ABL1: variants seen among roughly 807,000 people sequenced by gnomAD.
The protein encoded by ABL1 is ABL proto-oncogene 1, non-receptor tyrosine kinase.
ABL1 carries 11 observed loss-of-function variants against 94.7 expected under a neutral mutation model. That is an observed-to-expected ratio of 0.12 (90% confidence interval 0.07 to 0.19). The LOEUF (loss-of-function observed/expected upper bound fraction) is 0.19. Ranked by LOEUF, ABL1 falls within the 10% of genes least tolerant of loss-of-function variation. The probability of loss-of-function intolerance (pLI) is 1.00; values close to 1 mark genes in which losing one functional copy is unlikely to be tolerated. For missense variants in ABL1, 1,082 were observed against 1,489.4 expected, an observed-to-expected ratio of 0.73 and a Z score of 4.50; for synonymous variants, 656 against 622.4, an observed-to-expected ratio of 1.05 and a Z score of -0.80.
chr9:130,842,000 G>A (rs1249451360), intron 1 of ABL1, among the ~76,000 whole-genome samples: 3 of 150,304 alleles, frequency 2.0e-5, no homozygotes, highest in Non-Finnish European at 4.4e-5. Context: ...GACAGAGACT[G>A]AGAGACAAAT....
intron 1 of ABL1, among the ~76,000 whole-genome samples, chr9:130,741,925 C>CTGT (rs1391552046): frequency 1.3e-5 from 2 of 152,138 alleles, no homozygotes; most frequent in African/African-American, 4.8e-5. Context: ...TGGTGAGTGC[C>CTGT]ACAGCTTCCT....
chr9:130,795,426 A>G (rs570116109), intron 1 of ABL1, among the ~76,000 whole-genome samples: 1 of 152,310 alleles, frequency 6.6e-6, no homozygotes, highest in South Asian at 2.1e-4. Context: ...ACAGTATCAT[A>G]TGTGCTCGCA....
chr9:130,732,653 A>T (rs571645007), intron 1 of ABL1, among the ~76,000 whole-genome samples: 2 of 152,082 alleles, frequency 1.3e-5, no homozygotes, highest in Non-Finnish European at 2.9e-5. Context: ...TGTAGTGGGA[A>T]TATTGTCCCT....
At chr9:130,797,262 A>G (rs1046580621) in intron 1 of ABL1, among the ~76,000 whole-genome samples, 1 of 137,624 alleles carries the variant, frequency 7.3e-6, no homozygotes, top group Admixed American at 7.9e-5. Flanking sequence ...AAAAAAAAAA[A>G]AAAGAACTTT....
intron 1 of ABL1, among the ~76,000 whole-genome samples, chr9:130,717,463 G>A (rs1003079158): frequency 4.6e-5 from 7 of 152,076 alleles, no homozygotes; most frequent in African/African-American, 1.7e-4. Flanking sequence ...CAGCACTTTG[G>A]GAGGCCGAGG....
rs1418764623 is a variant in ABL1, at chr9:130,730,795, C to T, written c.136+16340C>T. On this transcript the variant is annotated intron_variant, in intron 1 of 10. Coordinates refer to the ABL1 transcript ENST00000372348. Reference sequence around the variant, plus strand: ...CCATGTGGCCCAGGCTGGTCTCAAACTCCTGAGGTCAAACCATCCACCCAC... The same window carrying T: ...CCATGTGGCCCAGGCTGGTCTCAAATTCCTGAGGTCAAACCATCCACCCAC... Among the ~76,000 whole-genome samples the T allele has an allele frequency of 4.0e-5, 6 of 151,836 alleles. No individual in the cohort carries two copies. In the East Asian group the frequency reaches 1.2e-3, roughly 29 times the overall value.
In ABL1 at chr9:130,884,797, C is replaced by G. The variant is rs1397422606; in HGVS notation, c.2507C>G (p.Ala836Gly). The change falls in exon 11 of 11, where the codon GCT becomes GGT. Residue 836 changes from alanine (A) to glycine (G), a missense_variant. By Grantham distance (60) the Ala-to-Gly change is moderately conservative. Transcript: ENST00000318560. This position sits in a 1 kb window ranked among gnomAD's most constrained non-coding sequence, Gnocchi z 5.6. ...PASGLPHKEE[A>G]GKGSALGTPA... ...TCGGGCCTCCCCCACAAGGAAGAAG[C>G]TGGAAAGGGCAGTGCCTTAGGGACC... is the stretch of plus-strand genomic sequence containing the variant. 1.2e-6 allele frequency: 2 copies of G among 1,609,208 alleles called. No individual in the cohort carries two copies. Among genetic ancestry groups the G allele is most frequent in the Non-Finnish European group, 1.7e-6 (2 of 1,177,728 alleles).
chr9:130,812,934 C>T (rs965165106), intron 1 of ABL1, among the ~76,000 whole-genome samples: 1 of 152,238 alleles, frequency 6.6e-6, no homozygotes, highest in African/African-American at 2.4e-5. Context: ...CCTCAGTAGA[C>T]CCGGCGGGTT....
chr9:130,780,895 T>A (rs1021892860), intron 1 of ABL1, among the ~76,000 whole-genome samples: 11 of 152,198 alleles, frequency 7.2e-5, no homozygotes, highest in Non-Finnish European at 1.5e-4. Flanking sequence ...AAGAAGGTGA[T>A]CAGACCCTAA....
chr9:130,855,136 C>T, intron 3 of ABL1, 40 bp downstream of exon 3: 1 of 1,565,532 alleles, frequency 6.4e-7, no homozygotes, highest in Non-Finnish European at 8.7e-7. Context: ...GGGCCCAGGG[C>T]AGGGGAACCA....
chr9:130,884,517 A>C lies in ABL1; in HGVS notation c.2227A>C (p.Thr743Pro), dbSNP rs2133036381. 6.2e-7 allele frequency: 1 copy of C among 1,613,228 alleles called. No homozygotes were observed. The highest frequency in any genetic ancestry group is 1.1e-5 in the South Asian group (1 of 91,084). ...SVTLPRDLQS[T>P]GRQFDSSTFG... is the part of the protein sequence containing the mutation. ...CACGCTGCCTCGGGACTTGCAGTCC[A>C]CGGGAAGACAGTTTGACTCGTCCAC... is the stretch of plus-strand genomic sequence containing the variant. Residue 743 changes from threonine (T) to proline (P), a missense_variant, in exon 11 of 11, where the codon ACG becomes CCG. Transcript: ENST00000318560. The surrounding 1 kb of genome is among the most constrained non-coding windows in gnomAD (Gnocchi z 5.6).
Position 130,854,973 on chromosome 9 carries a change from C to T in ABL1, c.426C>T (p.Ser142=), listed in dbSNP as rs958337829. ...GCAATGCCGCTGAGTATCTGCTGAGCAGCGGGATCAATGGCAGCTTCTTGG... is the reference window on the plus strand; with the variant it reads ...GCAATGCCGCTGAGTATCTGCTGAGTAGCGGGATCAATGGCAGCTTCTTGG... ...VSRNAAEYLL[S]SGINGSFLVR... is the part of the protein sequence containing the mutation. Residue 142 remains serine (S), a synonymous_variant, in exon 3 of 11, where the codon AGC becomes AGT. Transcript: ENST00000318560. The T allele has an allele frequency of 1.1e-5, 17 of 1,614,100 alleles. No homozygotes were observed. The highest frequency in any genetic ancestry group is 1.4e-5 in the Non-Finnish European group (17 of 1,180,058).
chr9:130,748,147 C>T (rs1469696756), intron 1 of ABL1, among the ~76,000 whole-genome samples: 4 of 152,126 alleles, frequency 2.6e-5, no homozygotes, highest in African/African-American at 9.7e-5. Flanking sequence ...GTGGATTGAG[C>T]ATCTTTTTGT....
In ABL1 at chr9:130,880,354, G is replaced by A; in HGVS notation, c.1514-146G>A. 1 of 1,092,014 alleles carries A rather than the reference G, an allele frequency of 9.2e-7. No homozygotes were observed. Among genetic ancestry groups the A allele is most frequent in the Non-Finnish European group, 1.3e-6 (1 of 755,524 alleles). The allele number at this position is 1,092,014 out of a possible 1,614,324, so 67.6% of individuals were successfully genotyped here. ...TGCAGAGTTCTAAGAAATGCTAAGGGCTGTTTCTCCGGTATCCACGTGCCT... is the reference window on the plus strand; with the variant it reads ...TGCAGAGTTCTAAGAAATGCTAAGGACTGTTTCTCCGGTATCCACGTGCCT... On this transcript the variant is annotated intron_variant, in intron 9 of 10. Transcript: ENST00000318560. The surrounding 1 kb of genome is among the most constrained non-coding windows in gnomAD (Gnocchi z 4.4).
At chr9:130,764,302 G>A (rs540075926) in intron 1 of ABL1, among the ~76,000 whole-genome samples, 19 of 152,310 alleles carry the variant, frequency 1.2e-4, no homozygotes, top group African/African-American at 4.6e-4. Context: ...GTGAAGTGAG[G>A]TTTGTGTGTA....
rs1207142576 is a variant in ABL1 at position 130,878,490 on chromosome 9, A to G, written c.1346A>G (p.Tyr449Cys). ...CCGGGAATTGACCTGTCCCAGGTGT[A>G]TGAGCTGCTAGAGAAGGACTACCGC... Reference protein sequence around the residue: ...PYPGIDLSQVYELLEKDYRME... With the variant: ...PYPGIDLSQVCELLEKDYRME... Residue 449 changes from tyrosine to cysteine, a missense_variant, in exon 8 of 11, where the codon TAT (tyrosine) becomes TGT (cysteine). By Grantham distance (194) the Tyr-to-Cys change is radical. This residue lies in a region of ABL1 where 76 missense variants were observed against 177.1 expected (regional missense o/e 0.43). Transcript: ENST00000318560. The G allele has an allele frequency of 6.2e-7, 1 of 1,614,244 alleles. No homozygotes were observed. The highest frequency in any genetic ancestry group is 1.1e-5 in the South Asian group (1 of 91,092).
chr9:130,882,006 T>C (rs1831465219), intron 10 of ABL1, among the ~76,000 whole-genome samples: 1 of 152,208 alleles, frequency 6.6e-6, no homozygotes, highest in South Asian at 2.1e-4. Flanking sequence ...GCTTGCATGC[T>C]AAATAAGTCC....
At chr9:130,859,767 G>A (rs1407432765) in intron 3 of ABL1, among the ~76,000 whole-genome samples, 2 of 130,736 alleles carry the variant, frequency 1.5e-5, no homozygotes, top group Admixed American at 9.3e-5. Flanking sequence ...TGCAACCTGC[G>A]CCTCCCAGGT....
At chr9:130,774,952 C>G (rs900627324) in intron 1 of ABL1, among the ~76,000 whole-genome samples, 6 of 152,138 alleles carry the variant, frequency 3.9e-5, no homozygotes, top group Non-Finnish European at 7.4e-5. Flanking sequence ...CTGATTTGGT[C>G]TGCACTTTGA....
Sources: gnomAD v4.1 joint callset for allele counts (sites outside exome capture counted in the v4.1 genomes callset) on GRCh38, gnomAD v4.1.1 for gene constraint, gnomAD v4.1.1 regional missense constraint, Gnocchi (gnomAD v3.1) non-coding constraint, MANE v1.5 for transcripts, NCBI Gene and HGNC (gene_info 2026-07-23, HGNC 2026-07-21) for gene names.